Variants in BCAS3 observed in about 807,000 individuals in gnomAD.
BCAS3 encodes BCAS4/BCAS3 fusion.
In BCAS3, 53 loss-of-function variants were observed where a neutral mutation model predicts 116.1. The ratio of observed to expected loss-of-function variants is 0.46; its 90% confidence interval spans 0.37 to 0.57. The LOEUF is 0.57. BCAS3 is among the 20% of genes least tolerant of loss of function. The pLI, the probability that BCAS3 is intolerant of heterozygous loss-of-function variation, is 0.00. For missense variants in BCAS3, 917 were observed against 1,165.4 expected (o/e 0.79, Z 3.10); for synonymous variants, 391 against 408.2 (o/e 0.96, Z 0.51).
Position 60,964,966 on chromosome 17 carries a change from G to T in BCAS3, c.1221+17614G>T, listed in dbSNP as rs2145321653. Reference sequence around the variant, plus strand: ...GTCTAGCTCAAGACTTGTTGATTTTGTTTACATTTTTGAAAACCAATGTTT... The same window carrying T: ...GTCTAGCTCAAGACTTGTTGATTTTTTTTACATTTTTGAAAACCAATGTTT... On this transcript the variant is annotated intron_variant, in intron 14 of 23. Transcript: ENST00000407086. This position sits in a 1 kb window ranked among gnomAD's most constrained non-coding sequence, Gnocchi z 4.6. 6.6e-6 allele frequency among the ~76,000 whole-genome samples: 1 copy of T among 151,832 alleles called. No homozygotes were observed. The highest frequency in any genetic ancestry group is 3.4e-3 in the Middle Eastern group (1 of 294).
intron 22 of BCAS3, among the ~76,000 whole-genome samples, chr17:61,116,305 A>G (rs1601372530): frequency 1.3e-5 from 2 of 152,232 alleles, no homozygotes; most frequent in Middle Eastern, 3.4e-3. Context: ...TCCTTTATGT[A>G]TCTTTATTAG....
At chr17:60,859,043 A>C (rs2053926220) in intron 7 of BCAS3, among the ~76,000 whole-genome samples, 1 of 151,798 alleles carries the variant, frequency 6.6e-6, no homozygotes, top group African/African-American at 2.4e-5. Context: ...TTTAGAGCTA[A>C]TGTAAGCTTA....
At chr17:60,943,134 A>G (rs907509576) in intron 13 of BCAS3, among the ~76,000 whole-genome samples, 39 of 152,320 alleles carry the variant, frequency 2.6e-4, no homozygotes, top group African/African-American at 9.1e-4. Context: ...TTTCATAAAA[A>G]TTGAATATTC....
intron 13 of BCAS3, among the ~76,000 whole-genome samples, chr17:60,944,625 C>T (rs2060388983): frequency 6.6e-6 from 1 of 151,888 alleles, no homozygotes; most frequent in Non-Finnish European, 1.5e-5. Context: ...AGAAAATATT[C>T]AAGAAAATAT....
chr17:61,051,296 GGGGT>G lies in BCAS3; in HGVS notation c.2029+10408_2029+10411del, dbSNP rs1409618040. Among the ~76,000 whole-genome samples, 4 of 152,014 alleles carry G rather than the reference GGGGT, an allele frequency of 2.6e-5. No individual in the cohort carries two copies. The highest frequency in any genetic ancestry group is 4.4e-5 in the Non-Finnish European group (3 of 67,958). ...TTAGTGGTGCCCAGGGATTAGGGATGGGGTGGGAGAGAATGTGGCTATATAGAGT... is the reference window on the plus strand; with the variant it reads ...TTAGTGGTGCCCAGGGATTAGGGATGGGGAGAGAATGTGGCTATATAGAGT... On this transcript the variant is annotated intron_variant, in intron 19 of 23. Transcript: ENST00000407086. This position sits in a 1 kb window ranked among gnomAD's most constrained non-coding sequence, Gnocchi z 4.1.
chr17:60,708,553 C>A (rs1202608596), intron 4 of BCAS3, among the ~76,000 whole-genome samples: 3 of 151,880 alleles, frequency 2.0e-5, no homozygotes, highest in Non-Finnish European at 4.4e-5. Flanking sequence ...ATTTTCGAGA[C>A]GGAGTCTTGC....
At chr17:60,992,189 T>TCCAC (rs1555654103) in intron 15 of BCAS3, among the ~76,000 whole-genome samples, 11 of 130,650 alleles carry the variant, frequency 8.4e-5, no homozygotes, top group African/African-American at 2.9e-4. Flanking sequence ...TCCGATGACT[T>TCCAC]ACACACACAC....
At position 61,229,378 on chromosome 17, in the gene BCAS3, A is replaced by T. The variant is rs2082538480; in HGVS notation, c.2426-138949A>T. Among the ~76,000 whole-genome samples the T allele has an allele frequency of 6.6e-6, 1 of 152,274 alleles. No homozygotes were observed. Among genetic ancestry groups the T allele is most frequent in the African/African-American group, 2.4e-5 (1 of 41,474 alleles). ...CAGCAAGTGCTGATGGAGAAGCTCC[A>T]GCCAGTTATCTAGAAGATCTAGCCA... On this transcript the variant is annotated intron_variant, in intron 22 of 23. Transcript: ENST00000407086. This position sits in a 1 kb window ranked among gnomAD's most constrained non-coding sequence, Gnocchi z 4.4.
In BCAS3 at chr17:61,087,306, T is replaced by A. The variant is rs2143558922; in HGVS notation, c.2425+2742T>A. On this transcript the variant is annotated intron_variant, in intron 22 of 23. Transcript: ENST00000407086. The surrounding 1 kb of genome is among the most constrained non-coding windows in gnomAD (Gnocchi z 4.6). Reference sequence around the variant, plus strand: ...TTACCTTCAAGCATTTTATATGACTTCATGGATTATCTTCTTAATTATTCC... The same window carrying A: ...TTACCTTCAAGCATTTTATATGACTACATGGATTATCTTCTTAATTATTCC... The A allele has an allele frequency of 1.5e-6, 1 of 655,562 alleles. No homozygotes were observed. Among genetic ancestry groups the A allele is most frequent in the Non-Finnish European group, 1.9e-6 (1 of 528,892 alleles). The allele number at this position is 655,562 out of a possible 1,614,324, so 40.6% of individuals were successfully genotyped here.
intron 6 of BCAS3, among the ~76,000 whole-genome samples, chr17:60,791,383 G>A (rs2046754690): frequency 6.6e-6 from 1 of 152,176 alleles, no homozygotes; most frequent in South Asian, 2.1e-4. Flanking sequence ...GACCAGGTGT[G>A]GTGACTCACG....
In BCAS3 at chr17:61,235,047, C is replaced by G. The variant is rs761720505; in HGVS notation, c.2426-133280C>G. 8.5e-5 allele frequency among the ~76,000 whole-genome samples: 13 copies of G among 152,138 alleles called. No homozygotes were observed. The highest frequency in any genetic ancestry group is 2.0e-4 in the Admixed American group (3 of 15,274). On this transcript the variant is annotated intron_variant, in intron 22 of 23. Transcript: ENST00000407086. The surrounding 1 kb of genome is among the most constrained non-coding windows in gnomAD (Gnocchi z 5.0). Reference sequence around the variant, plus strand: ...GGACTATAGGCGCACGCCACCACTCCTGGCTAAGTTTTGTATTTTAGTAGA... The same window carrying G: ...GGACTATAGGCGCACGCCACCACTCGTGGCTAAGTTTTGTATTTTAGTAGA...
intron 22 of BCAS3, among the ~76,000 whole-genome samples, chr17:61,283,610 T>C (rs1013404488): frequency 4.6e-5 from 7 of 150,930 alleles, no homozygotes; most frequent in Non-Finnish European, 1.0e-4. Flanking sequence ...ACCGCCACCA[T>C]GCCTGGCTAA....
intron 7 of BCAS3, among the ~76,000 whole-genome samples, chr17:60,849,571 G>T (rs920239919): frequency 2.0e-5 from 3 of 152,198 alleles, no homozygotes; most frequent in Non-Finnish European, 4.4e-5. Flanking sequence ...TTTATAAAGA[G>T]ATTTTCTCTC....
intron 13 of BCAS3, among the ~76,000 whole-genome samples, chr17:60,945,411 C>A (rs1167791201): frequency 6.6e-6 from 1 of 152,132 alleles, no homozygotes; most frequent in Non-Finnish European, 1.5e-5. Context: ...GCTCATTTTA[C>A]CTGATTTCAA....
At chr17:60,695,334 G>A (rs1444509406) in intron 4 of BCAS3, among the ~76,000 whole-genome samples, 1 of 152,026 alleles carries the variant, frequency 6.6e-6, no homozygotes, top group Non-Finnish European at 1.5e-5. Context: ...TGGCCAGGAT[G>A]GTCTCTTGAC....
intron 9 of BCAS3, among the ~76,000 whole-genome samples, chr17:60,879,004 C>CTT (rs2055873508): frequency 6.6e-6 from 1 of 152,058 alleles, no homozygotes; most frequent in Non-Finnish European, 1.5e-5. Flanking sequence ...CAGACTGAAA[C>CTT]TTTTGTCAGG....
intron 22 of BCAS3, among the ~76,000 whole-genome samples, chr17:61,223,562 C>T (rs2082228272): frequency 6.6e-6 from 1 of 152,176 alleles, no homozygotes; most frequent in African/African-American, 2.4e-5. Flanking sequence ...GGTCATTCTC[C>T]TATCTGCCCT....
At chr17:61,079,228 T>TA (rs147717294) in intron 21 of BCAS3, among the ~76,000 whole-genome samples, 1 of 152,106 alleles carries the variant, frequency 6.6e-6, no homozygotes, top group African/African-American at 2.4e-5. Flanking sequence ...GTCTTCTCTT[T>TA]AAAAAAAACT....
At chr17:60,814,308 C>CGCGTGCGCGT (rs2049156390) in intron 7 of BCAS3, among the ~76,000 whole-genome samples, 2 of 124,174 alleles carry the variant, frequency 1.6e-5, no homozygotes, top group African/African-American at 8.1e-5. Flanking sequence ...TGTGTGTGTG[C>CGCGTGCGCGT]GCGCGTGCCC....
Sources: allele counts gnomAD v4.1 joint callset (sites outside exome capture counted in the v4.1 genomes callset), GRCh38; gene constraint gnomAD v4.1.1; non-coding constraint Gnocchi (gnomAD v3.1); transcripts MANE v1.5; gene names NCBI Gene and HGNC (gene_info 2026-07-23, HGNC 2026-07-21).